The following ATP8A1 variants were observed in gnomAD, a reference collection of about 807,000 sequenced individuals.
ATP8A1 encodes the protein phospholipid-transporting ATPase IA.
ATP8A1 carries 90 observed loss-of-function variants against 177.7 expected under a neutral mutation model. That is an observed-to-expected ratio of 0.51 (90% confidence interval 0.43 to 0.60). The LOEUF is 0.60. ATP8A1 is among the 20% of genes least tolerant of loss of function. ATP8A1 has a pLI of 0.00. For missense variants in ATP8A1, 1,072 were observed against 1,392.8 expected (o/e 0.77, Z 3.67); for synonymous variants, 493 against 485.9 (o/e 1.01, Z -0.19).
rs1560533903 is a variant in ATP8A1 at position 42,625,785 on chromosome 4, C to T, written c.165-72G>A. The stretch of plus-strand genomic sequence containing the variant: ...CACCCACACTTACAAAGTTCTGTTA[C>T]TAACATATAAAAAGTTAGATAAGGA... On this transcript the variant is annotated intron_variant, in intron 2 of 36. Coordinates refer to ENST00000381668, the MANE Select transcript of ATP8A1 (RefSeq NM_006095.2). 5.7e-6 allele frequency: 5 copies of T among 883,940 alleles called. No homozygotes were observed. The East Asian group carries it at 1.1e-4, about 20-fold the overall frequency. 54.8% of individuals were successfully genotyped at this position (883,940 alleles called of 1,614,324 possible). A position where few individuals can be genotyped will look rare whatever the true frequency, so the allele number is the denominator to read the frequency against.
rs185163514 is a variant in ATP8A1, at chr4:42,517,710, T to C, written c.1947+4450A>G. Reference sequence around the variant, plus strand: ...CAAAATAGATGTGTCGGCAACTGATTCGTGAAACAACTCTCAGTGTTAAAA... The same window carrying C: ...CAAAATAGATGTGTCGGCAACTGATCCGTGAAACAACTCTCAGTGTTAAAA... On this transcript the variant is annotated intron_variant, in intron 22 of 36. Coordinates refer to ENST00000381668, the MANE Select transcript of ATP8A1 (RefSeq NM_006095.2). 1.8e-3 allele frequency among the ~76,000 whole-genome samples: 278 copies of C among 152,376 alleles called. 2 individuals carry two copies. The highest frequency in any genetic ancestry group is 6.5e-3 in the African/African-American group (272 of 41,588).
chr4:42,428,920 T>C (rs540898097), intron 33 of ATP8A1, among the ~76,000 whole-genome samples: 1 of 152,334 alleles, frequency 6.6e-6, no homozygotes, highest in African/African-American at 2.4e-5. Flanking sequence ...GGGCTTCCGT[T>C]ATGTTGGCAC....
intron 25 of ATP8A1, among the ~76,000 whole-genome samples, chr4:42,466,137 TAGAG>T (rs1214296479): frequency 1.3e-5 from 2 of 150,290 alleles, no homozygotes; most frequent in African/African-American, 4.9e-5. Flanking sequence ...TTGGAAACTA[TAGAG>T]AAAGACAGGA....
intron 24 of ATP8A1, among the ~76,000 whole-genome samples, chr4:42,497,500 GGAA>G (rs1364993356): frequency 2.0e-5 from 3 of 152,150 alleles, no homozygotes; most frequent in African/African-American, 7.2e-5. Context: ...GGGAGCTCTT[GGAA>G]GAGTTCAGAA....
At chr4:42,523,392 A>C (rs1160107180) in intron 21 of ATP8A1, among the ~76,000 whole-genome samples, 2 of 152,178 alleles carry the variant, frequency 1.3e-5, no homozygotes, top group Non-Finnish European at 2.9e-5. Context: ...TAGTGATCTC[A>C]AGACAAAATG....
intron 20 of ATP8A1, among the ~76,000 whole-genome samples, chr4:42,542,011 T>C: frequency 6.6e-6 from 1 of 152,100 alleles, no homozygotes; most frequent in Non-Finnish European, 1.5e-5. Context: ...TGAACCCTCA[T>C]GTACAGTCTA....
Position 42,475,491 on chromosome 4 carries a change from CAA to C in ATP8A1, c.2324+10003_2324+10004del, listed in dbSNP as rs10655191. ...CCAGGTTAGCAAATTAAATATCAGA[CAA>C]AAAAAAAAAAAAAATTCAGGACATA... On this transcript the variant is annotated intron_variant, in intron 25 of 36. Transcript: ENST00000381668. 1.8e-3 allele frequency among the ~76,000 whole-genome samples: 235 copies of C among 132,660 alleles called. 1 individual carries two copies. Among genetic ancestry groups the C allele is most frequent in the Middle Eastern group, 0.011 (3 of 272 alleles). The allele number at this position is 132,660 out of a possible 152,430, so 87.0% of individuals were successfully genotyped here.
chr4:42,531,774 T>A (rs181970204), intron 20 of ATP8A1, among the ~76,000 whole-genome samples: 2 of 151,790 alleles, frequency 1.3e-5, no homozygotes, highest in Non-Finnish European at 2.9e-5. Flanking sequence ...ACCAACAATA[T>A]CTAGATGAGA....
chr4:42,467,699 A>G (rs754764460), intron 25 of ATP8A1, among the ~76,000 whole-genome samples: 4 of 152,144 alleles, frequency 2.6e-5, no homozygotes, highest in Non-Finnish European at 5.9e-5. Context: ...TCTCGGGAAA[A>G]CAAAAGTGGA....
intron 25 of ATP8A1, among the ~76,000 whole-genome samples, chr4:42,468,259 A>C (rs1031406335): frequency 1.3e-5 from 2 of 152,170 alleles, no homozygotes. Context: ...GTCATTATAC[A>C]AAAAAGCTAC....
At position 42,589,959 on chromosome 4, in the gene ATP8A1, C is replaced by A. The variant is rs184030801; in HGVS notation, c.524+852G>T. On this transcript the variant is annotated intron_variant, in intron 7 of 36. Coordinates refer to ENST00000381668, the MANE Select transcript of ATP8A1 (RefSeq NM_006095.2). ...GAAGTTGGGGTAATAAAATAAGCAT[C>A]GAAATTCAGAACATTCTCAACAATC... 3.8e-3 allele frequency among the ~76,000 whole-genome samples: 577 copies of A among 151,866 alleles called. 1 individual carries two copies. Among genetic ancestry groups the A allele is most frequent in the Non-Finnish European group, 5.5e-3 (377 of 67,982 alleles).
chr4:42,649,078 G>A (rs537514883), intron 1 of ATP8A1, among the ~76,000 whole-genome samples: 1 of 152,150 alleles, frequency 6.6e-6, no homozygotes, highest in South Asian at 2.1e-4. Flanking sequence ...CCATCAGAAA[G>A]GTGTACAAAA....
At chr4:42,611,216 A>C (rs1425837123) in intron 5 of ATP8A1, among the ~76,000 whole-genome samples, 10 of 151,170 alleles carry the variant, frequency 6.6e-5, no homozygotes, top group Non-Finnish European at 1.3e-4. Flanking sequence ...ACTCAACTCC[A>C]TTCAGAAAAG....
intron 25 of ATP8A1, among the ~76,000 whole-genome samples, chr4:42,480,000 G>GTGTGTGTC (rs1721499821): frequency 1.4e-5 from 2 of 147,524 alleles, no homozygotes; most frequent in Admixed American, 6.7e-5. Context: ...TTCTGCTTGT[G>GTGTGTGTC]TGTGTGTGTG....
At position 42,459,729 on chromosome 4, in the gene ATP8A1, C is replaced by A. The variant is rs114690278; in HGVS notation, c.2620-4130G>T. ...CCAGACCAAATCTAGCAGTAATGAA[C>A]GAGTAAGTTCATTTACGTATCTTGT... On this transcript the variant is annotated intron_variant, in intron 27 of 36. Transcript: ENST00000381668. Among the ~76,000 whole-genome samples, 278 of 152,172 alleles carry A rather than the reference C, an allele frequency of 1.8e-3. 1 individual carries two copies. Among genetic ancestry groups the A allele is most frequent in the African/African-American group, 6.4e-3 (264 of 41,504 alleles).
At chr4:42,475,392 A>G (rs1297875636) in intron 25 of ATP8A1, among the ~76,000 whole-genome samples, 1 of 151,924 alleles carries the variant, frequency 6.6e-6, no homozygotes, top group Non-Finnish European at 1.5e-5. Flanking sequence ...TAACCACTAT[A>G]TTATACAGAA....
At chr4:42,623,009 C>CAAAAA (rs200111147) in intron 4 of ATP8A1, among the ~76,000 whole-genome samples, 1 of 116,140 alleles carries the variant, frequency 8.6e-6, no homozygotes, top group Non-Finnish European at 1.8e-5. Context: ...AACTCTGTCT[C>CAAAAA]AAAAAAAAAA....
At chr4:42,552,651 A>ACC in intron 16 of ATP8A1, 41 bp from the exon 17 acceptor site, 1 of 1,431,758 alleles carries the variant, frequency 7.0e-7, no homozygotes, top group Non-Finnish European at 9.8e-7. Context: ...TTCTCATGTG[A>ACC]ACATTTTGAC....
At chr4:42,468,184 C>G (rs748377853) in intron 25 of ATP8A1, among the ~76,000 whole-genome samples, 1 of 152,124 alleles carries the variant, frequency 6.6e-6, no homozygotes, top group East Asian at 1.9e-4. Context: ...CCTTAAAGAA[C>G]TAAAAGTAGA....
Sources: gnomAD v4.1 joint callset for allele counts (sites outside exome capture counted in the v4.1 genomes callset) on GRCh38, gnomAD v4.1.1 for gene constraint, MANE v1.5 for transcripts, NCBI Gene and HGNC (gene_info 2026-07-23, HGNC 2026-07-21) for gene names.